MLLT10: variants seen among roughly 807,000 people sequenced by gnomAD.
MLLT10 encodes MLLT10 histone lysine methyltransferase DOT1L cofactor, also known as protein AF-10.
A neutral mutation model predicts 129.1 loss-of-function variants in MLLT10; 30 were observed. The observed-to-expected ratio is 0.23, with a 90% CI of 0.17 to 0.32. The LOEUF is 0.32. MLLT10 is among the 10% of genes least tolerant of loss of function. MLLT10 has a pLI of 1.00. For missense variants in MLLT10, 1,119 were observed against 1,268.3 expected (o/e 0.88, Z 1.79); for synonymous variants, 490 against 446.4 (o/e 1.10, Z -1.23).
chr10:21,658,081 TACAC>T (rs562744929), intron 9 of MLLT10, among the ~76,000 whole-genome samples: 84 of 152,244 alleles, frequency 5.5e-4, no homozygotes, highest in African/African-American at 1.3e-3. Flanking sequence ...TTGAAGGAAA[TACAC>T]ACAATCTTAG....
intron 3 of MLLT10, among the ~76,000 whole-genome samples, chr10:21,562,524 G>GAC (rs1466743815): frequency 6.6e-6 from 1 of 151,558 alleles, no homozygotes; most frequent in African/African-American, 2.4e-5. Context: ...TTTTAGTAGA[G>GAC]ACAGGGTTTT....
At chr10:21,557,807 A>G (rs549086111) in intron 3 of MLLT10, 1 of 152,058 alleles carries the variant, frequency 6.6e-6, no homozygotes, top group Admixed American at 6.6e-5. Flanking sequence ...CACTAGAACT[A>G]CATAGTTGGA....
chr10:21,569,080 T>C (rs548750783), intron 3 of MLLT10, among the ~76,000 whole-genome samples: 1 of 152,356 alleles, frequency 6.6e-6, no homozygotes, highest in Admixed American at 6.5e-5. Flanking sequence ...TACCAAGAGT[T>C]GTTTTTTTGG....
chr10:21,632,933 T>C (rs997916542), intron 8 of MLLT10, among the ~76,000 whole-genome samples: 35 of 152,180 alleles, frequency 2.3e-4, no homozygotes, highest in Non-Finnish European at 1.0e-4. Context: ...TAGAGATTTA[T>C]TTAAATAAAT....
intron 4 of MLLT10, among the ~76,000 whole-genome samples, chr10:21,587,733 A>G (rs1276235864): frequency 6.6e-6 from 1 of 152,190 alleles, no homozygotes; most frequent in Non-Finnish European, 1.5e-5. Flanking sequence ...ATAAAAGGGA[A>G]AAATAGAATG....
At chr10:21,624,694 G>A (rs556311136) in intron 8 of MLLT10, 70 of 1,385,270 alleles carry the variant, frequency 5.1e-5, no homozygotes, top group African/African-American at 5.7e-5. Context: ...GCTGCTGAGC[G>A]ATGGGTTGAG....
At position 21,663,599 on chromosome 10, in the gene MLLT10, C is replaced by T. The variant is rs919329285; in HGVS notation, c.796-6850C>T. ...TTTTGTTTTTTGAGAGAGTCTTGCT[C>T]TGTCACCCAGGCTGGAGTGCAATGG... On this transcript the variant is annotated intron_variant, in intron 9 of 22. Coordinates refer to ENST00000307729, the MANE Select transcript of MLLT10 (RefSeq NM_001195626.3). 9.2e-5 allele frequency among the ~76,000 whole-genome samples: 14 copies of T among 152,134 alleles called. 1 individual carries two copies. In the South Asian group the frequency reaches 1.0e-3, roughly 11 times the overall value.
At chr10:21,701,143 A>G (rs2054865546) in intron 13 of MLLT10, among the ~76,000 whole-genome samples, 1 of 151,824 alleles carries the variant, frequency 6.6e-6, no homozygotes, top group African/African-American at 2.4e-5. Flanking sequence ...TGTCTTTCAT[A>G]TTTCTGTGGT....
At chr10:21,557,245 TTATAAG>T in intron 3 of MLLT10, 1 of 998,150 alleles carries the variant, frequency 1.0e-6, no homozygotes. Context: ...AACTCAGTTA[TTATAAG>T]TAATAGTTTA....
Position 21,534,291 on chromosome 10 carries a change from C to A in MLLT10, c.-230C>A. ...AGCCCCCTTCCCCTCCCTCGCTGCC[C>A]CTGGCCCAGCGGGAGCCCCCCCTCC... On this transcript the variant is annotated 5_prime_UTR_variant, in exon 1 of 23. Transcript: ENST00000307729. 2 of 392,240 alleles carry A rather than the reference C, an allele frequency of 5.1e-6. No homozygotes were observed. Among genetic ancestry groups the A allele is most frequent in the African/African-American group, 2.1e-5 (1 of 47,886 alleles). The allele number at this position is 392,240 out of a possible 1,614,324, so 24.3% of individuals were successfully genotyped here.
intron 13 of MLLT10, among the ~76,000 whole-genome samples, chr10:21,684,098 A>G (rs1012787361): frequency 1.3e-4 from 19 of 151,682 alleles, no homozygotes; most frequent in African/African-American, 4.6e-4. Flanking sequence ...GCAACCTTCA[A>G]CTCCTGGTCT....
chr10:21,624,429 A>G (rs934148723), intron 8 of MLLT10, among the ~76,000 whole-genome samples: 3 of 139,918 alleles, frequency 2.1e-5, no homozygotes, highest in African/African-American at 5.3e-5. Context: ...AGGAAAAATA[A>G]AAAGGCCTGA....
chr10:21,611,912 A>C (rs901640723), intron 5 of MLLT10, among the ~76,000 whole-genome samples: 1 of 152,044 alleles, frequency 6.6e-6, no homozygotes, highest in African/African-American at 2.4e-5. Context: ...TTTGTCTCTT[A>C]GGTCCCAATA....
At chr10:21,616,246 A>G (rs2045239419) in intron 7 of MLLT10, among the ~76,000 whole-genome samples, 1 of 152,132 alleles carries the variant, frequency 6.6e-6, no homozygotes, top group South Asian at 2.1e-4. Context: ...GAGAGATGAT[A>G]TAAATAAAAA....
At chr10:21,667,145 T>C (rs1158781559) in intron 9 of MLLT10, among the ~76,000 whole-genome samples, 1 of 152,136 alleles carries the variant, frequency 6.6e-6, no homozygotes, top group African/African-American at 2.4e-5. Context: ...TCTCCTGTTT[T>C]CTAGATCGAA....
intron 8 of MLLT10, among the ~76,000 whole-genome samples, chr10:21,617,516 A>G (rs1229396184): frequency 2.0e-5 from 3 of 152,156 alleles, no homozygotes; most frequent in Non-Finnish European, 4.4e-5. Flanking sequence ...TCGTTGCTAT[A>G]TATTATTAAC....
intron 8 of MLLT10, among the ~76,000 whole-genome samples, chr10:21,643,179 C>G (rs948196863): frequency 2.6e-5 from 4 of 152,162 alleles, no homozygotes; most frequent in African/African-American, 9.7e-5. Context: ...ACTACTGGCA[C>G]ATGCCACCAT....
intron 21 of MLLT10, among the ~76,000 whole-genome samples, 156 bp downstream of exon 21, chr10:21,735,391 G>A (rs764285108): frequency 1.3e-4 from 20 of 152,208 alleles, no homozygotes; most frequent in Non-Finnish European, 1.8e-4. Context: ...GATACCTGCA[G>A]TGATGTCACA....
At chr10:21,635,947 T>A (rs1175748633) in intron 8 of MLLT10, among the ~76,000 whole-genome samples, 1 of 148,438 alleles carries the variant, frequency 6.7e-6, no homozygotes, top group Non-Finnish European at 1.5e-5. Flanking sequence ...TTTTTTTTTT[T>A]ACATTGCTCT....
Sources: gnomAD v4.1 joint callset for allele counts (sites outside exome capture counted in the v4.1 genomes callset) on GRCh38, gnomAD v4.1.1 for gene constraint, MANE v1.5 for transcripts, NCBI Gene and HGNC (gene_info 2026-07-23, HGNC 2026-07-21) for gene names.